KBTBD7: variants seen among roughly 807,000 people sequenced by gnomAD.
The protein encoded by KBTBD7 is kelch repeat and BTB domain-containing protein 7.
Under a neutral mutation model 50.3 loss-of-function variants are expected in KBTBD7, and 25 were observed. That is an observed-to-expected ratio of 0.50 (90% CI 0.36 to 0.69). The LOEUF (loss-of-function observed/expected upper bound fraction) is 0.69. KBTBD7 is among the 30% of genes least tolerant of loss of function. The probability of loss-of-function intolerance (pLI) is 0.00; values close to 1 mark genes in which losing one functional copy is unlikely to be tolerated. For missense variants in KBTBD7, 653 were observed against 869.5 expected, an observed-to-expected ratio of 0.75 and a Z score of 3.13; for synonymous variants, 305 against 325.3, an observed-to-expected ratio of 0.94 and a Z score of 0.67.
Position 41,189,969 on chromosome 13 carries a change from A to G in KBTBD7, c.*2234T>C, listed in dbSNP as rs528919028. 1.3e-5 allele frequency: 2 copies of G among 152,342 alleles called. No homozygotes were observed. Among genetic ancestry groups the G allele is most frequent in the African/African-American group, 2.4e-5 (1 of 41,568 alleles). The allele number at this position is 152,342 out of a possible 1,614,324, so 9.4% of individuals were successfully genotyped here. A position where few individuals can be genotyped will look rare whatever the true frequency, so the allele number is the denominator to read the frequency against. On this transcript the variant is annotated 3_prime_UTR_variant, in exon 1 of 1. Transcript: ENST00000379483. Reference sequence around the variant, plus strand: ...CCTTCCCAAGAAAACCTTACTGTAAACCAAGACATTCCCACTATTTAGACT... The same window carrying G: ...CCTTCCCAAGAAAACCTTACTGTAAGCCAAGACATTCCCACTATTTAGACT...
Position 41,191,973 on chromosome 13 carries a change from A to T in KBTBD7, c.*230T>A. The T allele has an allele frequency of 2.4e-6, 1 of 424,190 alleles. No individual in the cohort carries two copies. Among genetic ancestry groups the T allele is most frequent in the Non-Finnish European group, 4.2e-6 (1 of 240,072 alleles). 26.3% of individuals were successfully genotyped at this position (424,190 alleles called of 1,614,324 possible). A position where few individuals can be genotyped will look rare whatever the true frequency, so the allele number is the denominator to read the frequency against. ...ATGAAAAAAACCTACCAAGCATCCT[A>T]ATCAATTATATAGTTCTTGCTTCCA... On this transcript the variant is annotated 3_prime_UTR_variant, in exon 1 of 1. Transcript: ENST00000379483.
Position 41,194,159 on chromosome 13 carries a change from A to T in KBTBD7, c.99T>A (p.Phe33Leu), listed in dbSNP as rs2031471647. 1.2e-6 allele frequency: 2 copies of T among 1,614,066 alleles called. No individual in the cohort carries two copies. Among genetic ancestry groups the T allele is most frequent in the Non-Finnish European group, 1.7e-6 (2 of 1,180,046 alleles). The change falls in exon 1 of 1, where the codon TTT (phenylalanine) becomes TTA (leucine). Residue 33 changes from phenylalanine to leucine, a missense_variant. Physicochemically the swap from Phe to Leu is conservative, Grantham distance 22. This residue lies in a region of KBTBD7 where 119 missense variants were observed against 125.0 expected (regional missense o/e 0.95). Coordinates refer to ENST00000379483, the MANE Select transcript of KBTBD7 (RefSeq NM_032138.7). The stretch of plus-strand genomic sequence containing the variant: ...CCTTTAACTCCTCTGGACCCGTGAA[A>T]AAGGCCGAAACCGAGGGCTTGGAAA... ...KRISKPSVSA[F>L]FTGPEELKDT...
rs567793688 is a variant in KBTBD7, at chr13:41,193,578, C to T, written c.680G>A (p.Arg227His). Residue 227 changes from arginine to histidine, a missense_variant, in exon 1 of 1, where the codon CGC becomes CAC. Arg to His is a conservative substitution (Grantham distance 29, BLOSUM62 0). Transcript: ENST00000379483. This position sits in a 1 kb window ranked among gnomAD's most constrained non-coding sequence, Gnocchi z 5.7. ...LTLAQLLAVL[R>H]LDSLDIESER... ...ACTCTCTATGTCCAGACTATCCAGG[C>T]GTAGGACAGCCAGCAGCTGGGCCAG... The T allele has an allele frequency of 4.2e-5, 68 of 1,614,232 alleles. No individual in the cohort carries two copies. In the South Asian group the frequency reaches 6.1e-4, roughly 15 times the overall value.
rs1448079139 is a variant in KBTBD7 at position 41,192,931 on chromosome 13, G to A, written c.1327C>T (p.Arg443Ter). Reference sequence around the variant, plus strand: ...AACTTAACTCCAGTAATAGGGTCTCGTCCCCCCAAAATGTAGATGTAGCCA... The same window carrying A: ...AACTTAACTCCAGTAATAGGGTCTCATCCCCCCAAAATGTAGATGTAGCCA... Reference protein sequence around the residue: ...LNGYIYILGGRDPITGVKLKE... With the variant: ...LNGYIYILGG The change falls in exon 1 of 1, where the codon CGA becomes TGA. Residue 443 changes from arginine (R) to a stop codon, truncating the protein, a stop_gained. Coordinates refer to ENST00000379483, the MANE Select transcript of KBTBD7 (RefSeq NM_032138.7). LOFTEE classifies it high-confidence loss of function. 5.0e-6 allele frequency: 8 copies of A among 1,614,092 alleles called. No individual in the cohort carries two copies. Among genetic ancestry groups the A allele is most frequent in the South Asian group, 1.1e-5 (1 of 91,080 alleles).
In KBTBD7 at chr13:41,192,633, C is replaced by T; in HGVS notation, c.1625G>A (p.Gly542Glu). Residue 542 changes from glycine to glutamate, a missense_variant, in exon 1 of 1, where the codon GGA becomes GAA. Transcript: ENST00000379483. ...AATATTACTAATCCGCCTCCATTCTCCCCTAGCTGGGTTGTAGACCTTCAT... is the reference window on the plus strand; with the variant it reads ...AATATTACTAATCCGCCTCCATTCTTCCCTAGCTGGGTTGTAGACCTTCAT... ...PVMKVYNPAR[G>E]EWRRISNIPL... is the part of the protein sequence containing the mutation. 1.9e-6 allele frequency: 3 copies of T among 1,614,178 alleles called. No individual in the cohort carries two copies. The highest frequency in any genetic ancestry group is 1.7e-6 in the Non-Finnish European group (2 of 1,180,036).
In KBTBD7 at chr13:41,191,389, CG is replaced by C. The variant is rs1305304193; in HGVS notation, c.*813del. The C allele has an allele frequency of 1.0e-5, 1 of 98,100 alleles. No homozygotes were observed. Among genetic ancestry groups the C allele is most frequent in the African/African-American group, 2.7e-5 (1 of 37,078 alleles). 6.1% of individuals were successfully genotyped at this position (98,100 alleles called of 1,614,324 possible). A position where few individuals can be genotyped will look rare whatever the true frequency, so the allele number is the denominator to read the frequency against. ...AACACAAACATAAAAAGCAAGTTAC[CG>C]TTTTTTTTTTTTTTTTTGGTTTAGA... is the stretch of plus-strand genomic sequence containing the variant. On this transcript the variant is annotated 3_prime_UTR_variant, in exon 1 of 1. Coordinates refer to ENST00000379483, the MANE Select transcript of KBTBD7 (RefSeq NM_032138.7).
chr13:41,194,010 G>T lies in KBTBD7; in HGVS notation c.248C>A (p.Ser83Tyr). The stretch of plus-strand genomic sequence containing the variant: ...AGCTGCTAGCACGTTGCGATTGCAG[G>T]AAAAGAGGCGACCCGTGCCAGGCCC... Reference protein sequence around the residue: ...GSGPGTGRLFSCNRNVLAAAC... With the variant: ...GSGPGTGRLFYCNRNVLAAAC... The change falls in exon 1 of 1, where the codon TCC (serine) becomes TAC (tyrosine). Residue 83 changes from serine to tyrosine, a missense_variant. Coordinates refer to ENST00000379483, the MANE Select transcript of KBTBD7 (RefSeq NM_032138.7). The T allele has an allele frequency of 6.2e-7, 1 of 1,614,208 alleles. No homozygotes were observed. Among genetic ancestry groups the T allele is most frequent in the Non-Finnish European group, 8.5e-7 (1 of 1,180,040 alleles).
In KBTBD7 at chr13:41,194,272, C is replaced by T. The variant is rs1302028260; in HGVS notation, c.-15G>A. The T allele has an allele frequency of 3.7e-6, 6 of 1,607,086 alleles. No individual in the cohort carries two copies. The highest frequency in any genetic ancestry group is 5.1e-6 in the Non-Finnish European group (6 of 1,175,682). ...CGGGACTGCATGGTGGAGATGGCGA[C>T]GGGCGCTGACGGCGAGAAAGGCTGC... On this transcript the variant is annotated 5_prime_UTR_variant, in exon 1 of 1. Coordinates refer to ENST00000379483, the MANE Select transcript of KBTBD7 (RefSeq NM_032138.7).
chr13:41,190,746 T>C lies in KBTBD7; in HGVS notation c.*1457A>G, dbSNP rs571343775. On this transcript the variant is annotated 3_prime_UTR_variant, in exon 1 of 1. Transcript: ENST00000379483. ...TTTTAGTTTTGTGCAATGTAGTCTA[T>C]ATTTGTGGACTTCCCCTTACATATG... 6.6e-6 allele frequency: 1 copy of C among 152,306 alleles called. No homozygotes were observed. Among genetic ancestry groups the C allele is most frequent in the South Asian group, 2.1e-4 (1 of 4,832 alleles). The allele number at this position is 152,306 out of a possible 1,614,324, so 9.4% of individuals were successfully genotyped here.
rs756923964 is a variant in KBTBD7 at position 41,194,132 on chromosome 13, G to A, written c.126C>T (p.Asp42=). 5 of 1,614,230 alleles carry A rather than the reference G, an allele frequency of 3.1e-6. 1 individual carries two copies. The South Asian group carries it at 5.5e-5, about 18-fold the overall frequency. ...AFFTGPEELK[D]TAHSAALLAQ... Reference sequence around the variant, plus strand: ...CCAGCAGGGCTGCAGAATGGGCCGTGTCCTTTAACTCCTCTGGACCCGTGA... The same window carrying A: ...CCAGCAGGGCTGCAGAATGGGCCGTATCCTTTAACTCCTCTGGACCCGTGA... Residue 42 remains aspartate, a synonymous_variant, in exon 1 of 1, where the codon GAC becomes GAT. Transcript: ENST00000379483.
At position 41,192,794 on chromosome 13, in the gene KBTBD7, A is replaced by T. The variant is rs778088967; in HGVS notation, c.1464T>A (p.Ala488=). 6.2e-7 allele frequency: 1 copy of T among 1,614,110 alleles called. No individual in the cohort carries two copies. Among genetic ancestry groups the T allele is most frequent in the East Asian group, 2.2e-5 (1 of 44,900 alleles). Residue 488 remains alanine, a synonymous_variant, in exon 1 of 1, where the codon GCT becomes GCA. Transcript: ENST00000379483. ...AGCAAAGCATGCGCTTACTGTTGAC[A>T]GCATAAAGATAGTTCTGAACCACTA... ...ELIVVQNYLY[A]VNSKRMLCYD... is the part of the protein sequence containing the mutation.
chr13:41,192,288 C>G lies in KBTBD7; in HGVS notation c.1970G>C (p.Gly657Ala), dbSNP rs1428563706. ...ATCATCTGAAAAAGAACTTGAACTT[C>G]CTGACTCAGAGTCCAGCTCACTGAA... ...DGFSELDSES[G>A]SSSSFSDDEV... The change falls in exon 1 of 1, where the codon GGA becomes GCA. Residue 657 changes from glycine (G) to alanine (A), a missense_variant. Coordinates refer to ENST00000379483, the MANE Select transcript of KBTBD7 (RefSeq NM_032138.7). The G allele has an allele frequency of 2.5e-6, 4 of 1,614,048 alleles. No individual in the cohort carries two copies. In the Middle Eastern group the frequency reaches 4.9e-4, roughly 199 times the overall value.
At position 41,192,429 on chromosome 13, in the gene KBTBD7, C is replaced by G. The variant is rs776615811; in HGVS notation, c.1829G>C (p.Gly610Ala). The G allele has an allele frequency of 1.2e-6, 2 of 1,614,190 alleles. No homozygotes were observed. The highest frequency in any genetic ancestry group is 4.5e-5 in the East Asian group (2 of 44,876). Residue 610 changes from glycine to alanine, a missense_variant, in exon 1 of 1, where the codon GGC becomes GCC. This residue lies in a region of KBTBD7 where 526 missense variants were observed against 717.1 expected (regional missense o/e 0.73). Transcript: ENST00000379483. ...TMLGLLQFDS[G>A]FICLCARVYP... ...AACACGAGCACAAAGGCAAATAAAGCCAGAGTCAAACTGCAAAAGGCCTAA... is the reference window on the plus strand; with the variant it reads ...AACACGAGCACAAAGGCAAATAAAGGCAGAGTCAAACTGCAAAAGGCCTAA...
In KBTBD7 at chr13:41,192,690, T is replaced by C. The variant is rs912049748; in HGVS notation, c.1568A>G (p.Asp523Gly). ...GATGTCACAGATACAATAGATTTCA[T>C]CATTGAAGACACATGCTTCCTGAAA... ...SDFQEACVFNDEIYCICDIPV... is the reference protein window; with the variant it reads ...SDFQEACVFNGEIYCICDIPV... Residue 523 changes from aspartate (D) to glycine (G), a missense_variant, in exon 1 of 1, where the codon GAT becomes GGT. Around this residue, in one of 3 missense-constraint regions of KBTBD7, gnomAD observed 526 missense variants for 717.1 expected, o/e 0.73. Transcript: ENST00000379483. The C allele has an allele frequency of 2.0e-5, 33 of 1,614,080 alleles. No homozygotes were observed. Among genetic ancestry groups the C allele is most frequent in the Non-Finnish European group, 2.8e-5 (33 of 1,180,042 alleles).
At position 41,193,968 on chromosome 13, in the gene KBTBD7, T is replaced by C; in HGVS notation, c.290A>G (p.Lys97Arg). The part of the protein sequence containing the change: ...NVLAAACPYF[K>R]SMFTGGMYES... ...GTACATGCCACCTGTGAACATGCTC[T>C]TGAAGTAGGGACACGCAGCTGCTAG... The change falls in exon 1 of 1, where the codon AAG becomes AGG. Residue 97 changes from lysine to arginine, a missense_variant. By Grantham distance (26) the Lys-to-Arg change is conservative. Transcript: ENST00000379483. The surrounding 1 kb of genome is among the most constrained non-coding windows in gnomAD (Gnocchi z 5.7). 1 of 1,614,024 alleles carries C rather than the reference T, an allele frequency of 6.2e-7. No homozygotes were observed. Among genetic ancestry groups the C allele is most frequent in the Non-Finnish European group, 8.5e-7 (1 of 1,179,948 alleles).
chr13:41,194,406 G>C lies in KBTBD7; in HGVS notation c.-149C>G. 1 of 1,038,838 alleles carries C rather than the reference G, an allele frequency of 9.6e-7. No individual in the cohort carries two copies. Among genetic ancestry groups the C allele is most frequent in the Non-Finnish European group, 1.4e-6 (1 of 722,476 alleles). The allele number at this position is 1,038,838 out of a possible 1,614,324, so 64.4% of individuals were successfully genotyped here. On this transcript the variant is annotated 5_prime_UTR_variant, in exon 1 of 1. Coordinates refer to ENST00000379483, the MANE Select transcript of KBTBD7 (RefSeq NM_032138.7). ...GCACTTCTGAATTCAGCCCTATCCC[G>C]CGGTGAGGCCTCCCTTTATTGCATA...
chr13:41,194,528 C>T lies in KBTBD7; in HGVS notation c.-271G>A. The stretch of plus-strand genomic sequence containing the variant: ...TGGCTTGCAGCCGCGGAAGCCCCCA[C>T]TGCCGCGCTGGCGATCCCGCTAGGC... On this transcript the variant is annotated 5_prime_UTR_variant, in exon 1 of 1. In the 5' UTR this introduces an upstream ATG that the reference lacks. Transcript: ENST00000379483. 1.9e-6 allele frequency: 1 copy of T among 533,428 alleles called. No homozygotes were observed. Among genetic ancestry groups the T allele is most frequent in the South Asian group, 2.6e-5 (1 of 38,494 alleles). 33.0% of individuals were successfully genotyped at this position (533,428 alleles called of 1,614,324 possible).
At position 41,192,152 on chromosome 13, in the gene KBTBD7, T is replaced by C. The variant is rs2031404631; in HGVS notation, c.*51A>G. On this transcript the variant is annotated 3_prime_UTR_variant, in exon 1 of 1. Coordinates refer to ENST00000379483, the MANE Select transcript of KBTBD7 (RefSeq NM_032138.7). ...TCCAAGAAAAAGAAACGATATGTGT[T>C]TAAAATACATTCCGTAGCAGTAGAA... The C allele has an allele frequency of 6.6e-7, 1 of 1,526,534 alleles. No homozygotes were observed. The highest frequency in any genetic ancestry group is 8.8e-7 in the Non-Finnish European group (1 of 1,135,478). 94.6% of individuals were successfully genotyped at this position (1,526,534 alleles called of 1,614,324 possible).
chr13:41,193,031 TTTATAC>T lies in KBTBD7; in HGVS notation c.1221_1226del (p.Tyr408_Lys409del). ...GTTGCTGCCAACTATTCTGAGCTGG[TTTATAC>T]ACCCAGAGGTCTTTCCTGGGCTGAG... On this transcript the variant is annotated inframe_deletion, in exon 1 of 1. Coordinates refer to ENST00000379483, the MANE Select transcript of KBTBD7 (RefSeq NM_032138.7). This position sits in a 1 kb window ranked among gnomAD's most constrained non-coding sequence, Gnocchi z 5.7. 1.2e-6 allele frequency: 2 copies of T among 1,614,202 alleles called. No homozygotes were observed. Among genetic ancestry groups the T allele is most frequent in the Non-Finnish European group, 1.7e-6 (2 of 1,180,042 alleles).
Sources: gnomAD v4.1 joint callset for allele counts on GRCh38, gnomAD v4.1.1 for gene constraint, gnomAD v4.1.1 regional missense constraint, Gnocchi (gnomAD v3.1) non-coding constraint, MANE v1.5 for transcripts, NCBI Gene and HGNC (gene_info 2026-07-23, HGNC 2026-07-21) for gene names.